ABCA6: variants seen among roughly 807,000 people sequenced by gnomAD.
ABCA6 encodes ATP-binding cassette sub-family A member 6.
A neutral mutation model predicts 191.2 loss-of-function variants in ABCA6; 164 were observed. The ratio of observed to expected loss-of-function variants is 0.86; its 90% CI spans 0.76 to 0.98. The LOEUF is 0.98. Ranked by LOEUF, ABCA6 falls within the 50% of genes least tolerant of loss-of-function variation. The pLI is 0.00. For missense variants in ABCA6, 1,958 were observed against 1,894.1 expected (o/e 1.03, Z -0.63); for synonymous variants, 636 against 647.7 (o/e 0.98, Z 0.27).
At position 69,082,887 on chromosome 17, in the gene ABCA6, A is replaced by C. The variant is rs765199719; in HGVS notation, c.4602T>G (p.Ala1534=). The change falls in exon 36 of 39, where the codon GCT becomes GCG. Residue 1534 remains alanine (A), a synonymous_variant. Coordinates refer to ENST00000284425, the MANE Select transcript of ABCA6 (RefSeq NM_080284.3). ...HTEILKLFPQ[A]AGQERYSSLL... is the part of the protein sequence containing the mutation. ...GCCCGTCTCACCTTTCCTGCCCTGCAGCCTGTGGGAAAAGCTTCAGAATCT... is the reference window on the plus strand; with the variant it reads ...GCCCGTCTCACCTTTCCTGCCCTGCCGCCTGTGGGAAAAGCTTCAGAATCT... 1 of 1,614,208 alleles carries C rather than the reference A, an allele frequency of 6.2e-7. No individual in the cohort carries two copies. The highest frequency in any genetic ancestry group is 2.2e-5 in the East Asian group (1 of 44,886).
At chr17:69,116,097 T>C (rs775520793) in intron 11 of ABCA6, among the ~76,000 whole-genome samples, 14 of 152,092 alleles carry the variant, frequency 9.2e-5, no homozygotes, top group Non-Finnish European at 1.8e-4. Flanking sequence ...GTTTAAGCAA[T>C]ACACCCACTT....
rs2072770445 is a variant in ABCA6 at position 69,085,732 on chromosome 17, A to C, written c.3938-16T>G. On this transcript the variant is annotated splice_polypyrimidine_tract_variant and intron_variant, in intron 30 of 38. Coordinates refer to ENST00000284425, the MANE Select transcript of ABCA6 (RefSeq NM_080284.3). ...AAAATTTCACCTGAAAGAAAGAATCAGACTATCAATATTGGAAGTGAAATA... is the reference window on the plus strand; with the variant it reads ...AAAATTTCACCTGAAAGAAAGAATCCGACTATCAATATTGGAAGTGAAATA... 1 of 1,535,060 alleles carries C rather than the reference A, an allele frequency of 6.5e-7. No homozygotes were observed. The highest frequency in any genetic ancestry group is 1.7e-5 in the Admixed American group (1 of 57,490).
chr17:69,078,883 T>C lies in ABCA6; in HGVS notation c.*90A>G. 1.4e-6 allele frequency: 1 copy of C among 733,728 alleles called. No homozygotes were observed. Among genetic ancestry groups the C allele is most frequent in the Non-Finnish European group, 2.1e-6 (1 of 484,894 alleles). 45.5% of individuals were successfully genotyped at this position (733,728 alleles called of 1,614,324 possible). Reference sequence around the variant, plus strand: ...TACAAAATATACCTGATGTTAATTTTAAATGATCTTTAAAATTAAACATAC... The same window carrying C: ...TACAAAATATACCTGATGTTAATTTCAAATGATCTTTAAAATTAAACATAC... On this transcript the variant is annotated 3_prime_UTR_variant, in exon 39 of 39. Coordinates refer to ENST00000284425, the MANE Select transcript of ABCA6 (RefSeq NM_080284.3).
At position 69,098,126 on chromosome 17, in the gene ABCA6, A is replaced by G. The variant is rs1432016571; in HGVS notation, c.3013-99T>C. 10 of 841,134 alleles carry G rather than the reference A, an allele frequency of 1.2e-5. No individual in the cohort carries two copies. In the East Asian group the frequency reaches 3.0e-4, roughly 25 times the overall value. The allele number at this position is 841,134 out of a possible 1,614,324, so 52.1% of individuals were successfully genotyped here. A position where few individuals can be genotyped will look rare whatever the true frequency, so the allele number is the denominator to read the frequency against. ...CACTTTTTGAAATGTTGAAAAATCA[A>G]AGTAAAGGTGTAGCTCATTACCATC... On this transcript the variant is annotated intron_variant, in intron 22 of 38. Coordinates refer to ENST00000284425, the MANE Select transcript of ABCA6 (RefSeq NM_080284.3).
intron 10 of ABCA6, among the ~76,000 whole-genome samples, chr17:69,121,418 G>C (rs376172899): frequency 7.2e-6 from 1 of 138,688 alleles, no homozygotes; most frequent in South Asian, 2.4e-4. Flanking sequence ...TGGATCTGGG[G>C]TGAGGTGCCC....
intron 26 of ABCA6, among the ~76,000 whole-genome samples, chr17:69,090,332 C>G (rs993630048): frequency 6.6e-6 from 1 of 152,176 alleles, no homozygotes; most frequent in Non-Finnish European, 1.5e-5. Context: ...CTGGCCTCAT[C>G]GTATACTTTT....
chr17:69,140,564 T>C (rs1598072953), intron 2 of ABCA6, 44 bp downstream of exon 2: 2 of 1,281,938 alleles, frequency 1.6e-6, no homozygotes, highest in Non-Finnish European at 2.2e-6. Flanking sequence ...AATGAAACAC[T>C]GTAAGAGTGC....
At chr17:69,141,507 C>T (rs997750448) in intron 1 of ABCA6, among the ~76,000 whole-genome samples, 1 of 151,978 alleles carries the variant, frequency 6.6e-6, no homozygotes, top group Non-Finnish European at 1.5e-5. Context: ...CATATTTTTA[C>T]ATCAAAATAT....
Position 69,128,781 on chromosome 17 carries a change from A to G in ABCA6, c.957T>C (p.Ser319=), listed in dbSNP as rs1005470168. ...LSLVALVFLM[S]VLLKKAVLTN... ...TGAGGACAGCTTTCTTTAACAGCAC[A>G]CTCATCAGGAACACCAAAGCTACCT... Residue 319 remains serine, a synonymous_variant, in exon 8 of 39, where the codon AGT becomes AGC. Coordinates refer to ENST00000284425, the MANE Select transcript of ABCA6 (RefSeq NM_080284.3). The G allele has an allele frequency of 6.2e-7, 1 of 1,603,200 alleles. No homozygotes were observed. Among genetic ancestry groups the G allele is most frequent in the Non-Finnish European group, 8.5e-7 (1 of 1,174,514 alleles).
chr17:69,124,865 G>A, intron 9 of ABCA6, 23 bp downstream of exon 9: 1 of 1,464,412 alleles, frequency 6.8e-7, no homozygotes, highest in Non-Finnish European at 9.3e-7. Flanking sequence ...GTAGAGGACA[G>A]AGAAAAACTC....
At chr17:69,119,305 C>G (rs566029724) in intron 10 of ABCA6, among the ~76,000 whole-genome samples, 7 of 152,100 alleles carry the variant, frequency 4.6e-5, no homozygotes, top group Non-Finnish European at 8.8e-5. Flanking sequence ...GGACATTCAA[C>G]TACTCTCTTC....
chr17:69,087,722 G>A (rs181020502), intron 28 of ABCA6: 30 of 494,696 alleles, frequency 6.1e-5, no homozygotes, highest in African/African-American at 5.5e-4. Flanking sequence ...AGCAGGTACT[G>A]CTCCTTTCTC....
chr17:69,129,547 A>C (rs769937503), intron 7 of ABCA6, 63 bp downstream of exon 7: 156 of 1,374,716 alleles, frequency 1.1e-4, no homozygotes, highest in Non-Finnish European at 1.5e-4. Flanking sequence ...CTAGGGCATT[A>C]ATATTAGCTA....
At chr17:69,120,934 G>A (rs1357186825) in intron 10 of ABCA6, among the ~76,000 whole-genome samples, 3 of 151,914 alleles carry the variant, frequency 2.0e-5, no homozygotes, top group Non-Finnish European at 2.9e-5. Context: ...CATGATTCTG[G>A]TTAGAATTCT....
At chr17:69,134,277 G>C (rs1598064050) in intron 5 of ABCA6, among the ~76,000 whole-genome samples, 2 of 152,142 alleles carry the variant, frequency 1.3e-5, no homozygotes, top group African/African-American at 2.4e-5. Context: ...TTAGGAGGGA[G>C]AGCCTTTGGG....
At chr17:69,093,448 A>G (rs543559053) in intron 25 of ABCA6, among the ~76,000 whole-genome samples, 1 of 152,336 alleles carries the variant, frequency 6.6e-6, no homozygotes, top group East Asian at 1.9e-4. Context: ...GCAAGGTCAC[A>G]AGATAAGTAA....
chr17:69,125,079 A>G, intron 8 of ABCA6, 44 bp from the exon 9 acceptor site: 1 of 1,091,556 alleles, frequency 9.2e-7, no homozygotes, highest in Non-Finnish European at 1.2e-6. Flanking sequence ...ATAAATAAAT[A>G]AATAGCTTGG....
chr17:69,137,246 A>G, intron 3 of ABCA6, 50 bp downstream of exon 3: 1 of 1,524,910 alleles, frequency 6.6e-7, no homozygotes. Flanking sequence ...ACTTATCAAC[A>G]GTATATAGAC....
chr17:69,133,768 T>C lies in ABCA6; in HGVS notation c.664A>G (p.Met222Val), dbSNP rs376153425. The C allele has an allele frequency of 2.1e-4, 341 of 1,612,030 alleles. No homozygotes were observed. The highest frequency in any genetic ancestry group is 2.8e-4 in the Non-Finnish European group (335 of 1,178,506). Residue 222 changes from methionine (M) to valine (V), a missense_variant, in exon 6 of 39, where the codon ATG (methionine) becomes GTG (valine). By Grantham distance (21) the Met-to-Val change is conservative (BLOSUM62 1). Transcript: ENST00000284425. ...TGAAGCAAGAAGAATAAAATAAACATCTCATTGTGAAGAAGATTTTTAGTT... is the reference window on the plus strand; with the variant it reads ...TGAAGCAAGAAGAATAAAATAAACACCTCATTGTGAAGAAGATTTTTAGTT... ...FITKNLLHNE[M>V]FILFFLLHFS... is the part of the protein sequence containing the mutation.
Sources: allele counts gnomAD v4.1 joint callset (sites outside exome capture counted in the v4.1 genomes callset), GRCh38; gene constraint gnomAD v4.1.1; transcripts MANE v1.5; gene names NCBI Gene and HGNC (gene_info 2026-07-23, HGNC 2026-07-21).